Variants in PRKAG3 observed in about 807,000 individuals in gnomAD.
PRKAG3 encodes 5'-AMP-activated protein kinase subunit gamma-3.
PRKAG3 carries 39 observed loss-of-function variants against 56.5 expected under a neutral mutation model. That is an observed-to-expected ratio of 0.69 (90% CI 0.53 to 0.90). The LOEUF is 0.90. Among genes scored for constraint, PRKAG3 ranks in the 40% least tolerant of loss-of-function variants. The pLI, the probability that PRKAG3 is intolerant of heterozygous loss-of-function variation, is 0.00. For synonymous variants in PRKAG3, 243 were observed against 250.1 expected (o/e 0.97, Z 0.27); for missense variants, 628 against 627.5 (o/e 1.00, Z -0.01).
At chr2:218,831,676 C>A (rs771027687) in intron 1 of PRKAG3, 62 bp downstream of exon 1, 8 of 1,577,902 alleles carry the variant, frequency 5.1e-6, no homozygotes, top group Non-Finnish European at 6.9e-6. Flanking sequence ...ACATTCACAG[C>A]CCGTGCGCTC....
At chr2:218,828,476 C>T (rs772385365) in intron 5 of PRKAG3, 43 bp downstream of exon 5, 10 of 1,557,636 alleles carry the variant, frequency 6.4e-6, no homozygotes, top group Non-Finnish European at 7.9e-6. Context: ...AGATCTCCCC[C>T]TCACCTCCTC....
intron 10 of PRKAG3, among the ~76,000 whole-genome samples, chr2:218,826,460 G>A (rs1007656313): frequency 2.6e-5 from 4 of 152,052 alleles, no homozygotes; most frequent in Admixed American, 6.6e-5. Flanking sequence ...TTATTATTTC[G>A]TTATTATTAT....
intron 12 of PRKAG3, 37 bp from the exon 13 acceptor site, chr2:218,823,915 A>G (rs750839180): frequency 6.3e-7 from 1 of 1,584,576 alleles, no homozygotes; most frequent in Non-Finnish European, 8.7e-7. Context: ...GGGCAGAGCC[A>G]TGGGGCTACA....
At chr2:218,824,336 C>T (rs771518752) in exon 12 of PRKAG3, 45 of 1,613,976 alleles carry the variant, frequency 2.8e-5, no homozygotes, top group Non-Finnish European at 3.5e-5. Context: ...CACTCATGTC[C>T]AGGTGGTTGT....
At chr2:218,828,402 G>T (rs1034479583) in intron 5 of PRKAG3, 117 bp downstream of exon 5, 2 of 1,144,632 alleles carry the variant, frequency 1.7e-6, no homozygotes, top group Non-Finnish European at 2.4e-6. Context: ...CCTGGCCCCT[G>T]GCTGGGCTTG....
At chr2:218,824,927 T>C (rs1943911234) in intron 10 of PRKAG3, among the ~76,000 whole-genome samples, 1 of 152,216 alleles carries the variant, frequency 6.6e-6, no homozygotes, top group Admixed American at 6.5e-5. Flanking sequence ...GGGTATCCTA[T>C]AGGACAACTG....
chr2:218,831,581 A>G (rs13425443), intron 1 of PRKAG3, among the ~76,000 whole-genome samples, 157 bp downstream of exon 1: 7,439 of 152,182 alleles, frequency 0.049, 610 homozygotes, highest in African/African-American at 0.17. Context: ...CACACTCACA[A>G]TACATATGCC....
intron 10 of PRKAG3, among the ~76,000 whole-genome samples, chr2:218,825,597 G>A (rs1161358191): frequency 3.3e-5 from 5 of 151,136 alleles, no homozygotes; most frequent in Admixed American, 2.0e-4. Flanking sequence ...GCAGTGAGCC[G>A]AGATGGCACC....
chr2:218,831,686 C>G, intron 1 of PRKAG3, 52 bp downstream of exon 1: 1 of 1,594,188 alleles, frequency 6.3e-7, no homozygotes. Flanking sequence ...CCCGTGCGCT[C>G]AATCTTCTGG....
Position 218,824,211 on chromosome 2 carries a change from G to A in PRKAG3, c.1353+11C>T, listed in dbSNP as rs769664154. 5 of 1,614,072 alleles carry A rather than the reference G, an allele frequency of 3.1e-6. No homozygotes were observed. Among genetic ancestry groups the A allele is most frequent in the Non-Finnish European group, 4.2e-6 (5 of 1,179,998 alleles). Reference sequence around the variant, plus strand: ...TATGTGTTGGGGGCATGAATGGAGGGCACACGGTACCTGCTCCCGAGCAAT... The same window carrying A: ...TATGTGTTGGGGGCATGAATGGAGGACACACGGTACCTGCTCCCGAGCAAT... On this transcript the variant is annotated intron_variant, in intron 12 of 12. Transcript: ENST00000529249.
chr2:218,822,862 C>A (rs185139553), downstream of PRKAG3: 2 of 983,426 alleles, frequency 2.0e-6, no homozygotes, highest in Non-Finnish European at 2.4e-6. Context: ...CCTGACTAAA[C>A]CCACTGGGGC....
In PRKAG3 at chr2:218,827,465, T is replaced by C. The variant is rs1943950643; in HGVS notation, c.876-92A>G. 3.1e-6 allele frequency: 5 copies of C among 1,603,778 alleles called. No homozygotes were observed. The highest frequency in any genetic ancestry group is 1.3e-5 in the African/African-American group (1 of 74,604). On this transcript the variant is annotated intron_variant, in intron 8 of 12. Transcript: ENST00000529249. The surrounding 1 kb of genome is among the most constrained non-coding windows in gnomAD (Gnocchi z 5.3). ...AAAAAGGAGGGCAGGGCACCAAGGC[T>C]CCCTTGTCTGTGTGCCGCCTAGGAT...
rs967844004 is a variant in PRKAG3 at position 218,828,479 on chromosome 2, A to G, written c.715+40T>C. On this transcript the variant is annotated intron_variant, in intron 5 of 12. Coordinates refer to ENST00000529249, the Ensembl canonical transcript of PRKAG3. ...AACAACCGTACAAGATCTCCCCCTCACCTCCTCCATCTCCCTTCACCTCCC... is the reference window on the plus strand; with the variant it reads ...AACAACCGTACAAGATCTCCCCCTCGCCTCCTCCATCTCCCTTCACCTCCC... 3 of 1,555,830 alleles carry G rather than the reference A, an allele frequency of 1.9e-6. No individual in the cohort carries two copies. The African/African-American group carries it at 4.1e-5, about 21-fold the overall frequency.
intron 2 of PRKAG3, 117 bp from the exon 3 acceptor site, chr2:218,831,018 T>C: frequency 7.8e-7 from 1 of 1,275,096 alleles, no homozygotes; most frequent in Non-Finnish European, 1.1e-6. Context: ...TCCAACATAT[T>C]TCTCATTTAA....
chr2:218,824,085 A>G, intron 12 of PRKAG3, 137 bp downstream of exon 12: 2 of 1,414,474 alleles, frequency 1.4e-6, no homozygotes, highest in Non-Finnish European at 2.0e-6. Flanking sequence ...GACCAGGTGC[A>G]GGCCAGTGTG....
chr2:218,824,337 A>G lies in PRKAG3; in HGVS notation c.1238T>C (p.Leu413Pro), dbSNP rs1220361604. ...CAGGGCTTCTCCCACACTCATGTCCAGGTGGTTGTAGGTTTGCTGGGCAGC... is the reference window on the plus strand; with the variant it reads ...CAGGGCTTCTCCCACACTCATGTCCGGGTGGTTGTAGGTTTGCTGGGCAGC... The change falls in exon 12 of 13, where the codon CTG becomes CCG. Residue 413 changes from leucine to proline, a missense_variant. Physicochemically the swap from Leu to Pro is moderately conservative, Grantham distance 98. Transcript: ENST00000529249. 6.2e-7 allele frequency: 1 copy of G among 1,614,112 alleles called. No individual in the cohort carries two copies. The highest frequency in any genetic ancestry group is 1.7e-5 in the Admixed American group (1 of 60,018).
At chr2:218,831,457 A>C in intron 1 of PRKAG3, 82 bp from the exon 2 acceptor site, 1 of 1,248,112 alleles carries the variant, frequency 8.0e-7, no homozygotes, top group Non-Finnish European at 1.1e-6. Flanking sequence ...ACGCCTACAC[A>C]CCCATGCACA....
In PRKAG3 at chr2:218,827,633, C is replaced by T. The variant is rs1192948598; in HGVS notation, c.821-4G>A. On this transcript the variant is annotated splice_polypyrimidine_tract_variant and splice_region_variant and intron_variant, in intron 7 of 12. Transcript: ENST00000529249. This position sits in a 1 kb window ranked among gnomAD's most constrained non-coding sequence, Gnocchi z 5.3. ...AAGCAGCCTTGCAGGTAGATCTCTG[C>T]AGAAAGAGCCAGAGTCAGGCCAGGG... is the stretch of plus-strand genomic sequence containing the variant. 1.5e-5 allele frequency: 24 copies of T among 1,613,908 alleles called. No individual in the cohort carries two copies. The highest frequency in any genetic ancestry group is 1.8e-5 in the Non-Finnish European group (21 of 1,179,930).
At chr2:218,831,628 G>C in intron 1 of PRKAG3, 110 bp downstream of exon 1, 1 of 1,421,406 alleles carries the variant, frequency 7.0e-7, no homozygotes, top group Non-Finnish European at 9.7e-7. Context: ...AGAAAATCCA[G>C]ACCAAACACA....
Sources: allele counts gnomAD v4.1 joint callset (sites outside exome capture counted in the v4.1 genomes callset), GRCh38; gene constraint gnomAD v4.1.1; non-coding constraint Gnocchi (gnomAD v3.1); transcripts MANE v1.5; gene names NCBI Gene and HGNC (gene_info 2026-07-23, HGNC 2026-07-21).